The following FAM184A variants were observed in gnomAD, a reference collection of about 807,000 sequenced individuals.
FAM184A encodes protein FAM184A.
In FAM184A, 99 loss-of-function variants were observed where a neutral mutation model predicts 143.8. The ratio of observed to expected loss-of-function variants is 0.69; its 90% confidence interval spans 0.58 to 0.81. The LOEUF (loss-of-function observed/expected upper bound fraction) is 0.81, where lower values mean the gene tolerates loss of function less well. Ranked by LOEUF, FAM184A falls within the 40% of genes least tolerant of loss-of-function variation. The pLI, the probability that FAM184A is intolerant of heterozygous loss-of-function variation, is 0.00. For missense variants in FAM184A, 1,217 were observed against 1,310.5 expected, an observed-to-expected ratio of 0.93 and a Z score of 1.10; for synonymous variants, 427 against 446.4, an observed-to-expected ratio of 0.96 and a Z score of 0.55.
At chr6:119,129,372 T>C (rs1409688711) in intron 1 of FAM184A, among the ~76,000 whole-genome samples, 7 of 152,216 alleles carry the variant, frequency 4.6e-5, no homozygotes, top group Non-Finnish European at 8.8e-5. Flanking sequence ...CTGGGCGCCT[T>C]ACAGCAAAAC....
chr6:118,972,018 G>C (rs1421091908), intron 14 of FAM184A, among the ~76,000 whole-genome samples: 1 of 152,142 alleles, frequency 6.6e-6, no homozygotes, highest in Non-Finnish European at 1.5e-5. Flanking sequence ...CAGCTGATTA[G>C]GAACTTCAAT....
chr6:118,998,806 C>G (rs1440709676), intron 9 of FAM184A, among the ~76,000 whole-genome samples: 1 of 152,090 alleles, frequency 6.6e-6, no homozygotes, highest in African/African-American at 2.4e-5. Context: ...GGCAATGCAG[C>G]CAGAGACCAG....
At chr6:119,138,321 C>G in intron 1 of FAM184A, among the ~76,000 whole-genome samples, 1 of 152,190 alleles carries the variant, frequency 6.6e-6, no homozygotes, top group South Asian at 2.1e-4. Context: ...AACAAATTAC[C>G]GCAAACTTGG....
At chr6:118,991,832 G>C (rs1784389572) in intron 9 of FAM184A, among the ~76,000 whole-genome samples, 1 of 134,084 alleles carries the variant, frequency 7.5e-6, no homozygotes, top group African/African-American at 2.8e-5. Flanking sequence ...GTATGATCTC[G>C]GCTCTCTGCA....
At chr6:119,032,096 A>T (rs147468386) in intron 1 of FAM184A, among the ~76,000 whole-genome samples, 7,235 of 152,144 alleles carry the variant, frequency 0.048, 218 homozygotes, top group Middle Eastern at 0.095. Flanking sequence ...ACATGGCGAA[A>T]CCCTATCTTT....
At chr6:118,969,961 GA>G (rs1190974051) in intron 14 of FAM184A, among the ~76,000 whole-genome samples, 271 of 90,454 alleles carry the variant, frequency 3.0e-3, no homozygotes, top group Middle Eastern at 6.3e-3. Context: ...CTAATCACAA[GA>G]AAAAAAAATT....
At chr6:118,967,969 A>T (rs1783551886) in intron 14 of FAM184A, among the ~76,000 whole-genome samples, 1 of 152,208 alleles carries the variant, frequency 6.6e-6, no homozygotes, top group Admixed American at 6.5e-5. Flanking sequence ...ATCTCAGTGT[A>T]TTTGAGTACC....
intron 1 of FAM184A, among the ~76,000 whole-genome samples, chr6:119,095,728 A>G (rs1185948092): frequency 6.6e-6 from 1 of 151,800 alleles, no homozygotes; most frequent in Non-Finnish European, 1.5e-5. Context: ...CTGGCTAATT[A>G]TTTTTATTTT....
chr6:119,127,977 G>T (rs1278702840), intron 1 of FAM184A, among the ~76,000 whole-genome samples: 1 of 152,108 alleles, frequency 6.6e-6, no homozygotes, highest in Non-Finnish European at 1.5e-5. Flanking sequence ...CCCCCTGCTT[G>T]GCCCAGGAGA....
chr6:119,130,690 C>A (rs903406100), intron 1 of FAM184A, among the ~76,000 whole-genome samples: 4 of 151,418 alleles, frequency 2.6e-5, no homozygotes, highest in Admixed American at 2.6e-4. Context: ...TTTAAACAAA[C>A]GTCAAATTGC....
chr6:119,110,444 C>T (rs920750598), intron 1 of FAM184A, among the ~76,000 whole-genome samples: 19 of 152,006 alleles, frequency 1.2e-4, no homozygotes, highest in Admixed American at 3.3e-4. Flanking sequence ...ACCCTCATCT[C>T]GGCTGCAAGA....
At position 118,980,426 on chromosome 6, in the gene FAM184A, G is replaced by A. The variant is rs1783986197; in HGVS notation, c.2089-76C>T. On this transcript the variant is annotated intron_variant, in intron 9 of 17. Transcript: ENST00000338891. The stretch of plus-strand genomic sequence containing the variant: ...CAAACTACCCAGCAAAGGGGGAAAA[G>A]CATTTCAAAGATATTAATGATAGTA... 4 of 1,068,482 alleles carry A rather than the reference G, an allele frequency of 3.7e-6. No homozygotes were observed. In the South Asian group the frequency reaches 5.6e-5, roughly 15 times the overall value. 66.2% of individuals were successfully genotyped at this position (1,068,482 alleles called of 1,614,324 possible).
At chr6:119,049,829 C>T (rs1044484048) in intron 1 of FAM184A, among the ~76,000 whole-genome samples, 6 of 152,184 alleles carry the variant, frequency 3.9e-5, no homozygotes, top group African/African-American at 1.4e-4. Flanking sequence ...CCAAAATTGA[C>T]AAGTGGGATC....
chr6:119,030,753 G>C (rs570029669), intron 1 of FAM184A, among the ~76,000 whole-genome samples: 2 of 151,724 alleles, frequency 1.3e-5, no homozygotes, highest in East Asian at 3.9e-4. Flanking sequence ...CCATAAAATT[G>C]GCTATTTTTT....
At chr6:119,015,039 G>T (rs1233049276) in intron 5 of FAM184A, among the ~76,000 whole-genome samples, 2 of 150,904 alleles carry the variant, frequency 1.3e-5, no homozygotes, top group East Asian at 3.9e-4. Context: ...ACTCCAGACT[G>T]AGAGACAGAG....
At chr6:118,960,301 C>A in intron 17 of FAM184A, 117 bp from the exon 18 acceptor site, 4 of 775,162 alleles carry the variant, frequency 5.2e-6, no homozygotes, top group Non-Finnish European at 4.1e-6. Context: ...TGTTGTAAGT[C>A]GTGTTTTAAA....
rs756920997 is a variant in FAM184A at position 119,002,917 on chromosome 6, T to C, written c.2070A>G (p.Val690=). The C allele has an allele frequency of 1.9e-6, 3 of 1,611,144 alleles. No individual in the cohort carries two copies. In the Admixed American group the frequency reaches 5.0e-5, roughly 27 times the overall value. The change falls in exon 9 of 18, where the codon GTA becomes GTG. Residue 690 remains valine, a synonymous_variant. Coordinates refer to ENST00000338891, the MANE Select transcript of FAM184A (RefSeq NM_024581.6). ...NAARDSWQKK[V]EDLLNQISLL... ...TAATTACCTGGTTTAAGAGATCTTC[T>C]ACTTTCTTCTGCCATGAATCTCTTG...
chr6:119,034,673 A>C (rs1267540435), intron 1 of FAM184A, among the ~76,000 whole-genome samples: 1 of 150,132 alleles, frequency 6.7e-6, no homozygotes, highest in African/African-American at 2.5e-5. Flanking sequence ...ATATATTTTT[A>C]TAGTCTTTAT....
upstream of FAM184A, among the ~76,000 whole-genome samples, chr6:119,083,149 T>C (rs1788117846): frequency 6.6e-6 from 1 of 152,164 alleles, no homozygotes; most frequent in African/African-American, 2.4e-5. Context: ...TAGCCACGGC[T>C]GGGATAAAAG....
Sources: allele counts gnomAD v4.1 joint callset (sites outside exome capture counted in the v4.1 genomes callset), GRCh38; gene constraint gnomAD v4.1.1; transcripts MANE v1.5; gene names NCBI Gene and HGNC (gene_info 2026-07-23, HGNC 2026-07-21).